LOC128462377: variants seen among roughly 807,000 people sequenced by gnomAD.
At chr16:89,387,454 C>T in the LOC128462377 span, among the ~76,000 whole-genome samples, 9 of 150,116 alleles carry the variant, frequency 6.0e-5, no homozygotes, top group African/African-American at 2.2e-4. Context: ...GGGCAGATCA[C>T]GAGGTCAGGA....
chr16:89,344,283 C>G, the LOC128462377 span, among the ~76,000 whole-genome samples: 1 of 152,170 alleles, frequency 6.6e-6, no homozygotes, highest in South Asian at 2.1e-4. Flanking sequence ...GAGCCTCTAA[C>G]GAGCCTCAGC....
the LOC128462377 span, among the ~76,000 whole-genome samples, chr16:89,383,052 T>G: frequency 6.6e-6 from 1 of 152,202 alleles, no homozygotes; most frequent in Admixed American, 6.5e-5. Flanking sequence ...TTATGCCATG[T>G]CATATACCTC....
chr16:89,338,571 A>C, the LOC128462377 span, among the ~76,000 whole-genome samples: 1 of 151,978 alleles, frequency 6.6e-6, no homozygotes, highest in Non-Finnish European at 1.5e-5. Flanking sequence ...CTAAAAATAC[A>C]AAAATTAGCT....
At chr16:89,407,062 T>C in the LOC128462377 span, among the ~76,000 whole-genome samples, 2 of 152,010 alleles carry the variant, frequency 1.3e-5, no homozygotes, top group Non-Finnish European at 2.9e-5. Flanking sequence ...GGCAGGCATC[T>C]GTAACCCCAG....
chr16:89,367,888 C>T, the LOC128462377 span, among the ~76,000 whole-genome samples: 6 of 152,022 alleles, frequency 3.9e-5, no homozygotes, highest in Non-Finnish European at 7.4e-5. Flanking sequence ...CTTGTGGTAC[C>T]GGCTACTCCA....
the LOC128462377 span, among the ~76,000 whole-genome samples, chr16:89,356,100 T>C: frequency 6.6e-6 from 1 of 152,160 alleles, no homozygotes; most frequent in Non-Finnish European, 1.5e-5. Flanking sequence ...CAAGAAAGAA[T>C]CTGGAAAACC....
the LOC128462377 span, among the ~76,000 whole-genome samples, chr16:89,320,675 G>A: frequency 2.0e-5 from 3 of 152,152 alleles, no homozygotes; most frequent in Admixed American, 6.5e-5. Context: ...AAGCCACGGC[G>A]CCAAAGCTGT....
At chr16:89,317,083 A>G in the LOC128462377 span, 1 of 1,519,158 alleles carries the variant, frequency 6.6e-7, no homozygotes, top group Non-Finnish European at 9.0e-7. Flanking sequence ...CGTCTGCTTC[A>G]AAAGAGAAGA....
chr16:89,373,340 T>G, the LOC128462377 span: 2 of 152,228 alleles, frequency 1.3e-5, no homozygotes, highest in African/African-American at 4.8e-5. Flanking sequence ...CTGGCTAGAA[T>G]AACCCACACA....
chr16:89,418,028 T>A, the LOC128462377 span, among the ~76,000 whole-genome samples: 1 of 152,194 alleles, frequency 6.6e-6, no homozygotes, highest in East Asian at 1.9e-4. Context: ...TTATAGGCTA[T>A]TAACAACCTA....
the LOC128462377 span, among the ~76,000 whole-genome samples, chr16:89,416,273 CAG>C: frequency 6.6e-6 from 1 of 152,056 alleles, no homozygotes; most frequent in East Asian, 1.9e-4. Flanking sequence ...CCCCTTTAAT[CAG>C]AGAAGCCTGT....
At chr16:89,341,485 C>T in the LOC128462377 span, among the ~76,000 whole-genome samples, 1 of 152,136 alleles carries the variant, frequency 6.6e-6, no homozygotes, top group Non-Finnish European at 1.5e-5. Flanking sequence ...CTGCTGGGCT[C>T]GTCACCTTAG....
chr16:89,360,239 G>A, the LOC128462377 span, among the ~76,000 whole-genome samples: 1 of 152,130 alleles, frequency 6.6e-6, no homozygotes, highest in Non-Finnish European at 1.5e-5. Flanking sequence ...ACATGATCTC[G>A]TTCATTTTTA....
chr16:89,368,970 T>C, the LOC128462377 span, among the ~76,000 whole-genome samples: 2 of 152,124 alleles, frequency 1.3e-5, no homozygotes, highest in Non-Finnish European at 2.9e-5. Context: ...CGTGCTCGCC[T>C]GGAGGGAACA....
At chr16:89,323,563 T>G in the LOC128462377 span, among the ~76,000 whole-genome samples, 1 of 8,182 alleles carries the variant, frequency 1.2e-4, no homozygotes, top group African/African-American at 4.5e-4. Context: ...GGGTCTGAGC[T>G]AAGGGCACGG....
chr16:89,395,247 C>T, the LOC128462377 span, among the ~76,000 whole-genome samples: 2 of 152,224 alleles, frequency 1.3e-5, no homozygotes, highest in African/African-American at 4.8e-5. Context: ...AGTAAACTGG[C>T]TGAGCCCCAG....
chr16:89,396,206 G>A, the LOC128462377 span: 8 of 152,202 alleles, frequency 5.3e-5, no homozygotes, highest in South Asian at 2.1e-4. Context: ...AGTCTCCCTG[G>A]AAGAGACAGG....
the LOC128462377 span, among the ~76,000 whole-genome samples, chr16:89,337,983 A>G: frequency 6.6e-6 from 1 of 152,178 alleles, no homozygotes; most frequent in Non-Finnish European, 1.5e-5. Context: ...CCCACGGGTG[A>G]CAAGCAACAC....
the LOC128462377 span, chr16:89,317,183 C>T: frequency 3.5e-6 from 3 of 848,692 alleles, no homozygotes; most frequent in South Asian, 4.3e-5. Flanking sequence ...AGGCAGGCAG[C>T]TGCTCTGATC....
Sources: gnomAD v4.1 joint callset for allele counts (sites outside exome capture counted in the v4.1 genomes callset) on GRCh38, gnomAD v4.1.1 for gene constraint, MANE v1.5 for transcripts.